ERICH3: variants seen among roughly 807,000 people sequenced by gnomAD.
ERICH3 encodes glutamate rich 3.
ERICH3 carries 126 observed loss-of-function variants against 131.1 expected under a neutral mutation model. The ratio of observed to expected loss-of-function variants is 0.96; its 90% CI spans 0.83 to 1.11. The LOEUF is 1.11. Ranked by LOEUF, ERICH3 falls within the 50% of genes most tolerant of loss-of-function variation. ERICH3 has a pLI of 0.00. For synonymous variants in ERICH3, 695 were observed against 644.6 expected, an observed-to-expected ratio of 1.08 and a Z score of -1.18; for missense variants, 2,050 against 1,810.7, an observed-to-expected ratio of 1.13 and a Z score of -2.40.
chr1:74,568,314 G>T lies in ERICH3; in HGVS notation c.*2144C>A, dbSNP rs1024533377. 6.6e-6 allele frequency: 1 copy of T among 152,090 alleles called. No homozygotes were observed. The highest frequency in any genetic ancestry group is 2.4e-5 in the African/African-American group (1 of 41,424). The allele number at this position is 152,090 out of a possible 1,614,324, so 9.4% of individuals were successfully genotyped here. On this transcript the variant is annotated 3_prime_UTR_variant, in exon 15 of 15. Coordinates refer to ENST00000326665, the MANE Select transcript of ERICH3 (RefSeq NM_001002912.5). ...GTTATGGGATGTTTTGATGGAGTGT[G>T]TTAAATATAAAAGTAATCCAATGCA...
At position 74,637,998 on chromosome 1, in the gene ERICH3, A is replaced by T. The variant is rs77361114; in HGVS notation, c.445-1560T>A. On this transcript the variant is annotated intron_variant, in intron 5 of 14. Transcript: ENST00000326665. ...GTTCTAATGCAATAAAATAGTAGAA[A>T]GTCTATCAAGAATTGTACATATATA... 3.6e-3 allele frequency among the ~76,000 whole-genome samples: 549 copies of T among 152,290 alleles called. 4 individuals carry two copies. The highest frequency in any genetic ancestry group is 0.024 in the Middle Eastern group (7 of 294).
At chr1:74,585,348 T>C (rs1050086390) in intron 12 of ERICH3, among the ~76,000 whole-genome samples, 2 of 152,214 alleles carry the variant, frequency 1.3e-5, no homozygotes, top group African/African-American at 2.4e-5. Flanking sequence ...CTGTGTACAG[T>C]ACATCTTTTA....
chr1:74,628,225 C>T (rs1009780336), intron 7 of ERICH3, among the ~76,000 whole-genome samples: 1 of 152,142 alleles, frequency 6.6e-6, no homozygotes, highest in Non-Finnish European at 1.5e-5. Context: ...ACATATTTTC[C>T]ATCGTGTTTA....
intron 1 of ERICH3, among the ~76,000 whole-genome samples, chr1:74,667,474 A>G (rs781710503): frequency 2.0e-5 from 3 of 152,194 alleles, no homozygotes; most frequent in Non-Finnish European, 4.4e-5. Context: ...CTTGGTCTGT[A>G]CCAAAATGAA....
rs533198887 is a variant in ERICH3, at chr1:74,572,310, C to T, written c.3400G>A (p.Ala1134Thr). ...CCTGGATTGTCAGACAACTCAGAAG[C>T]CTCCACAGGTGCTTCGTTCTCAGCA... is the stretch of plus-strand genomic sequence containing the variant. ...SDAENEAPVEASELSDNPGLL... is the reference protein window; with the variant it reads ...SDAENEAPVETSELSDNPGLL... Residue 1134 changes from alanine (A) to threonine (T), a missense_variant, in exon 14 of 15, where the codon GCT becomes ACT. By Grantham distance (58) the Ala-to-Thr change is moderately conservative. Coordinates refer to ENST00000326665, the MANE Select transcript of ERICH3 (RefSeq NM_001002912.5). 226 of 1,613,970 alleles carry T rather than the reference C, an allele frequency of 1.4e-4. 1 individual carries two copies. In the South Asian group the frequency reaches 2.3e-3, roughly 16 times the overall value.
At chr1:74,661,850 C>A (rs905721510) in intron 1 of ERICH3, among the ~76,000 whole-genome samples, 1 of 152,170 alleles carries the variant, frequency 6.6e-6, no homozygotes, top group African/African-American at 2.4e-5. Context: ...AAAGCTACAT[C>A]CTTCTGACTC....
chr1:74,646,288 A>C (rs1249558079), intron 3 of ERICH3, among the ~76,000 whole-genome samples: 1 of 152,086 alleles, frequency 6.6e-6, no homozygotes, highest in Non-Finnish European at 1.5e-5. Flanking sequence ...CACCTTTTTT[A>C]GCAAATGGAA....
intron 7 of ERICH3, among the ~76,000 whole-genome samples, chr1:74,630,736 C>A (rs1326679204): frequency 6.6e-6 from 1 of 151,750 alleles, no homozygotes; most frequent in African/African-American, 2.4e-5. Flanking sequence ...TTAGAGGAAG[C>A]CAGCAAATCC....
chr1:74,641,905 G>T (rs553280168), intron 4 of ERICH3, among the ~76,000 whole-genome samples: 22 of 152,196 alleles, frequency 1.4e-4, no homozygotes, highest in Non-Finnish European at 2.5e-4. Context: ...ATCATATGAA[G>T]AGGCACAAGG....
rs1207972980 is a variant in ERICH3, at chr1:74,599,702, A to G, written c.1719T>C (p.Asp573=). The G allele has an allele frequency of 5.7e-5, 91 of 1,607,344 alleles. No homozygotes were observed. The highest frequency in any genetic ancestry group is 7.4e-5 in the Non-Finnish European group (87 of 1,177,046). The change falls in exon 11 of 15, where the codon GAT becomes GAC. Residue 573 remains aspartate (D), a synonymous_variant. Transcript: ENST00000326665. ...DGCSESELEE[D]KQDMKTASST... ...ATAAGCTGAACAACTCGCCTTGTTT[A>G]TCCTCTTCCAGTTCACTCTCAGAGC... is the stretch of plus-strand genomic sequence containing the variant.
Position 74,599,708 on chromosome 1 carries a change from T to C in ERICH3, c.1713A>G (p.Glu571=), listed in dbSNP as rs1648030658. 1 of 1,609,624 alleles carries C rather than the reference T, an allele frequency of 6.2e-7. No individual in the cohort carries two copies. The highest frequency in any genetic ancestry group is 1.3e-5 in the African/African-American group (1 of 74,656). Residue 571 remains glutamate (E), a synonymous_variant, in exon 11 of 15, where the codon GAA becomes GAG. Coordinates refer to ENST00000326665, the MANE Select transcript of ERICH3 (RefSeq NM_001002912.5). The part of the protein sequence containing the change: ...ENDGCSESEL[E]EDKQDMKTAS... ...TGAACAACTCGCCTTGTTTATCCTC[T>C]TCCAGTTCACTCTCAGAGCATCCAT...
chr1:74,601,604 A>G (rs1354667751), intron 10 of ERICH3, among the ~76,000 whole-genome samples: 1 of 151,864 alleles, frequency 6.6e-6, no homozygotes, highest in Non-Finnish European at 1.5e-5. Context: ...TTAGGGACTC[A>G]TGGAAGACTT....
chr1:74,659,791 G>A (rs1046116755), intron 1 of ERICH3, among the ~76,000 whole-genome samples: 3 of 152,280 alleles, frequency 2.0e-5, no homozygotes, highest in Admixed American at 1.3e-4. Context: ...AATCTGAACT[G>A]GGTCCTAAAT....
At chr1:74,594,275 TG>T (rs1647743707) in intron 11 of ERICH3, among the ~76,000 whole-genome samples, 1 of 129,166 alleles carries the variant, frequency 7.7e-6, no homozygotes, top group African/African-American at 3.2e-5. Context: ...AAATGGGGCG[TG>T]TGTGTGTGTG....
chr1:74,612,876 T>C, intron 8 of ERICH3, 67 bp from the exon 9 acceptor site: 5 of 1,344,558 alleles, frequency 3.7e-6, no homozygotes, highest in Non-Finnish European at 5.1e-6. Context: ...TTAAATCATG[T>C]TTTTCTATTA....
intron 9 of ERICH3, among the ~76,000 whole-genome samples, chr1:74,608,487 C>G (rs898329422): frequency 6.6e-6 from 1 of 151,976 alleles, no homozygotes; most frequent in African/African-American, 2.4e-5. Context: ...TCAACCTGAA[C>G]AAATCCAATG....
chr1:74,587,997 T>G (rs532653679), intron 12 of ERICH3, among the ~76,000 whole-genome samples: 2 of 152,302 alleles, frequency 1.3e-5, no homozygotes, highest in East Asian at 3.9e-4. Context: ...TGTGGGCTAT[T>G]TAAAAATACA....
intron 1 of ERICH3, among the ~76,000 whole-genome samples, chr1:74,661,160 A>T (rs898020591): frequency 1.3e-5 from 2 of 152,262 alleles, no homozygotes; most frequent in African/African-American, 4.8e-5. Flanking sequence ...CAGTAGTAAG[A>T]TTTAAAATGG....
intron 12 of ERICH3, among the ~76,000 whole-genome samples, chr1:74,587,324 CAAAAAA>C (rs11330631): frequency 3.6e-5 from 2 of 56,260 alleles, no homozygotes; most frequent in Admixed American, 2.0e-4. Flanking sequence ...GACTCCATCT[CAAAAAA>C]AAAAAAAAAA....
Sources: allele counts gnomAD v4.1 joint callset (sites outside exome capture counted in the v4.1 genomes callset), GRCh38; gene constraint gnomAD v4.1.1; transcripts MANE v1.5; gene names NCBI Gene and HGNC (gene_info 2026-07-23, HGNC 2026-07-21).